Variants in USP46 observed in about 807,000 individuals in gnomAD.
The protein encoded by USP46 is ubiquitin carboxyl-terminal hydrolase 46.
A neutral mutation model predicts 44.4 loss-of-function variants in USP46; 12 were observed. The ratio of observed to expected loss-of-function variants is 0.27; its 90% confidence interval spans 0.17 to 0.44. The LOEUF (loss-of-function observed/expected upper bound fraction) is 0.44, where lower values mean the gene tolerates loss of function less well. Among genes scored for constraint, USP46 ranks in the 20% least tolerant of loss-of-function variants. The pLI is 1.00. For synonymous variants in USP46, 155 were observed against 161.5 expected (o/e 0.96, Z 0.31); for missense variants, 248 against 444.8 (o/e 0.56, Z 3.98).
intron 1 of USP46, among the ~76,000 whole-genome samples, chr4:52,632,682 A>G (rs915996627): frequency 1.3e-5 from 2 of 151,510 alleles, no homozygotes; most frequent in African/African-American, 4.9e-5. Flanking sequence ...CTTAGCAGGT[A>G]GCACAAACCT....
chr4:52,627,928 C>T (rs1180253271), intron 3 of USP46, 22 bp downstream of exon 3: 1 of 1,600,496 alleles, frequency 6.2e-7, no homozygotes, highest in East Asian at 2.2e-5. Context: ...GGCTTAAATA[C>T]ATTATACTGC....
intron 1 of USP46, among the ~76,000 whole-genome samples, chr4:52,647,535 T>C (rs1159557650): frequency 6.6e-6 from 1 of 152,052 alleles, no homozygotes. Context: ...CACAAAAGAG[T>C]GTGGTATAAG....
chr4:52,605,140 C>T (rs760276569), intron 5 of USP46, among the ~76,000 whole-genome samples: 2 of 152,162 alleles, frequency 1.3e-5, no homozygotes, highest in African/African-American at 2.4e-5. Flanking sequence ...TACAAAACTG[C>T]CCTCTTAGTG....
chr4:52,610,411 G>A, intron 5 of USP46, 130 bp downstream of exon 5: 1 of 772,272 alleles, frequency 1.3e-6, no homozygotes, highest in Non-Finnish European at 2.1e-6. Flanking sequence ...TGGGAAAGGA[G>A]AGATAGAAAA....
Position 52,610,011 on chromosome 4 carries a change from C to T in USP46, c.638+530G>A, listed in dbSNP as rs1185938485. 4.4e-5 allele frequency among the ~76,000 whole-genome samples: 6 copies of T among 137,736 alleles called. No homozygotes were observed. In the South Asian group the frequency reaches 9.6e-4, roughly 22 times the overall value. 90.4% of individuals were successfully genotyped at this position (137,736 alleles called of 152,430 possible). ...CGCGATCTCGACTCACTGCAAGCTC[C>T]GCCTCCCGGGTTCACGCCATTCTCC... On this transcript the variant is annotated intron_variant, in intron 5 of 8. Transcript: ENST00000441222.
At chr4:52,646,896 G>A (rs1394703259) in intron 1 of USP46, among the ~76,000 whole-genome samples, 1 of 152,214 alleles carries the variant, frequency 6.6e-6, no homozygotes, top group African/African-American at 2.4e-5. Flanking sequence ...CTTTGGCAAG[G>A]CTGCAGGCAG....
rs1716017792 is a variant in USP46, at chr4:52,591,683, T to G, written c.*5957A>C. The G allele has an allele frequency of 6.6e-6, 1 of 152,222 alleles. No homozygotes were observed. The highest frequency in any genetic ancestry group is 1.5e-5 in the Non-Finnish European group (1 of 68,042). The allele number at this position is 152,222 out of a possible 1,614,324, so 9.4% of individuals were successfully genotyped here. On this transcript the variant is annotated 3_prime_UTR_variant, in exon 9 of 9. Transcript: ENST00000441222. ...TAACCAAAATGAAGCTATTTTTCCTTTGTAAGCTCCTGATGTCTTTTGTTC... is the reference window on the plus strand; with the variant it reads ...TAACCAAAATGAAGCTATTTTTCCTGTGTAAGCTCCTGATGTCTTTTGTTC...
intron 4 of USP46, among the ~76,000 whole-genome samples, chr4:52,625,599 GGA>G (rs1717550090): frequency 6.6e-6 from 1 of 152,130 alleles, no homozygotes; most frequent in African/African-American, 2.4e-5. Context: ...TGTAAAAACA[GGA>G]GTCTAGCCTG....
intron 7 of USP46, among the ~76,000 whole-genome samples, chr4:52,600,112 G>A (rs897291718): frequency 6.6e-6 from 1 of 152,118 alleles, no homozygotes; most frequent in Non-Finnish European, 1.5e-5. Flanking sequence ...GGGGTAGCAG[G>A]GTGGTGTGTT....
intron 4 of USP46, among the ~76,000 whole-genome samples, chr4:52,615,033 A>G (rs1717071854): frequency 6.6e-6 from 1 of 152,182 alleles, no homozygotes; most frequent in South Asian, 2.1e-4. Flanking sequence ...ATGTACTCAG[A>G]AAAGATCAAG....
chr4:52,618,121 C>A (rs1254232212), intron 4 of USP46, among the ~76,000 whole-genome samples: 1 of 152,026 alleles, frequency 6.6e-6, no homozygotes, highest in Non-Finnish European at 1.5e-5. Flanking sequence ...TAGTGGCTCA[C>A]GCCTATAATC....
Position 52,620,695 on chromosome 4 carries a change from C to A in USP46, c.561+5323G>T, listed in dbSNP as rs1310106398. Reference sequence around the variant, plus strand: ...ATACTCAGTGTGTAAAGTGGTATAACCATTTTGGGAATTTGACACTTTCTA... The same window carrying A: ...ATACTCAGTGTGTAAAGTGGTATAAACATTTTGGGAATTTGACACTTTCTA... On this transcript the variant is annotated intron_variant, in intron 4 of 8. Transcript: ENST00000441222. 2.6e-5 allele frequency among the ~76,000 whole-genome samples: 4 copies of A among 152,118 alleles called. No individual in the cohort carries two copies. The East Asian group carries it at 5.8e-4, about 22-fold the overall frequency.
intron 4 of USP46, among the ~76,000 whole-genome samples, chr4:52,614,793 A>G (rs905816335): frequency 4.6e-5 from 7 of 152,240 alleles, no homozygotes; most frequent in Admixed American, 4.6e-4. Flanking sequence ...GAAAAGGCAT[A>G]ACACTGTCCT....
chr4:52,638,409 G>T (rs1279538386), intron 1 of USP46, among the ~76,000 whole-genome samples: 1 of 152,010 alleles, frequency 6.6e-6, no homozygotes, highest in Non-Finnish European at 1.5e-5. Context: ...GCTGCACCTG[G>T]ATTTTAAGGC....
intron 1 of USP46, among the ~76,000 whole-genome samples, chr4:52,657,593 C>A (rs1235379916): frequency 1.3e-5 from 2 of 152,186 alleles, no homozygotes; most frequent in African/African-American, 4.8e-5. Flanking sequence ...TTCACAGTTC[C>A]CTCAGGAACT....
chr4:52,620,708 T>C (rs1717344658), intron 4 of USP46, among the ~76,000 whole-genome samples: 1 of 152,192 alleles, frequency 6.6e-6, no homozygotes, highest in Non-Finnish European at 1.5e-5. Flanking sequence ...TTTTGGGAAT[T>C]TGACACTTTC....
intron 1 of USP46, among the ~76,000 whole-genome samples, chr4:52,651,276 G>C (rs989136392): frequency 2.0e-5 from 3 of 152,028 alleles, no homozygotes; most frequent in Admixed American, 2.0e-4. Context: ...ATGGTCCTCA[G>C]CTCACCTATA....
At chr4:52,658,095 C>A in intron 1 of USP46, 1 of 412,262 alleles carries the variant, frequency 2.4e-6, no homozygotes, top group Non-Finnish European at 4.9e-6. Context: ...GTGTTGCCTC[C>A]GGGGACCCGC....
intron 1 of USP46, among the ~76,000 whole-genome samples, chr4:52,647,255 T>A (rs186941789): frequency 6.6e-6 from 1 of 152,300 alleles, no homozygotes; most frequent in East Asian, 1.9e-4. Flanking sequence ...TTTGTGTTTT[T>A]AAAAACTAAG....
Sources: allele counts gnomAD v4.1 joint callset (sites outside exome capture counted in the v4.1 genomes callset), GRCh38; gene constraint gnomAD v4.1.1; transcripts MANE v1.5; gene names NCBI Gene and HGNC (gene_info 2026-07-23, HGNC 2026-07-21).